The following SIK2 variants were observed in gnomAD, a reference collection of about 807,000 sequenced individuals.
The protein encoded by SIK2 is serine/threonine-protein kinase SIK2.
A neutral mutation model predicts 103.2 loss-of-function variants in SIK2; 29 were observed. The ratio of observed to expected loss-of-function variants is 0.28; its 90% CI spans 0.21 to 0.38. The LOEUF is 0.38. Among genes scored for constraint, SIK2 ranks in the 10% least tolerant of loss-of-function variants. The pLI, the probability that SIK2 is intolerant of heterozygous loss-of-function variation, is 1.00. For missense variants in SIK2, 879 were observed against 1,171.0 expected (o/e 0.75, Z 3.64); for synonymous variants, 412 against 446.1 (o/e 0.92, Z 0.96).
At chr11:111,645,460 A>G (rs978745021) in intron 3 of SIK2, among the ~76,000 whole-genome samples, 2 of 152,238 alleles carry the variant, frequency 1.3e-5, no homozygotes, top group African/African-American at 4.8e-5. Context: ...AATACCTTCT[A>G]TGTATGTAAA....
intron 8 of SIK2, among the ~76,000 whole-genome samples, chr11:111,708,174 G>A (rs1053416336): frequency 4.6e-5 from 7 of 152,274 alleles, no homozygotes; most frequent in Admixed American, 3.9e-4. Flanking sequence ...TTGAACCCAG[G>A]AGTTTGAGAC....
At chr11:111,617,760 C>T (rs1370461987) in intron 2 of SIK2, among the ~76,000 whole-genome samples, 1 of 151,664 alleles carries the variant, frequency 6.6e-6, no homozygotes, top group African/African-American at 2.4e-5. Context: ...TTATAATGTA[C>T]ATAATATTTA....
At chr11:111,653,215 A>G (rs986451243) in intron 3 of SIK2, among the ~76,000 whole-genome samples, 88 of 152,198 alleles carry the variant, frequency 5.8e-4, no homozygotes, top group African/African-American at 2.1e-3. Flanking sequence ...AGTAAAGGTA[A>G]TGGGAAAAGA....
rs117206295 is a variant in SIK2, at chr11:111,675,314, G to A, written c.317-12687G>A. ...ATATGCACCACCTATTCTACTGGGAGGCATTACAAAGTCACGTGACAAAGG... is the reference window on the plus strand; with the variant it reads ...ATATGCACCACCTATTCTACTGGGAAGCATTACAAAGTCACGTGACAAAGG... On this transcript the variant is annotated intron_variant, in intron 3 of 14. Transcript: ENST00000304987. Among the ~76,000 whole-genome samples, 998 of 152,284 alleles carry A rather than the reference G, an allele frequency of 6.6e-3. 8 individuals are homozygous for A. The highest frequency in any genetic ancestry group is 0.054 in the Middle Eastern group (16 of 294).
chr11:111,668,176 A>AGGGG (rs1555030379), intron 3 of SIK2, among the ~76,000 whole-genome samples: 12 of 45,192 alleles, frequency 2.7e-4, no homozygotes, highest in South Asian at 2.7e-3. Flanking sequence ...AACTAAAGTA[A>AGGGG]GGAGTGTGTG....
chr11:111,685,803 T>C (rs1373502739), intron 3 of SIK2, among the ~76,000 whole-genome samples: 1 of 152,136 alleles, frequency 6.6e-6, no homozygotes. Flanking sequence ...TGAGCTATAA[T>C]TGCACACTGT....
intron 3 of SIK2, among the ~76,000 whole-genome samples, chr11:111,653,915 G>A (rs1426841466): frequency 6.6e-6 from 1 of 152,076 alleles, no homozygotes; most frequent in Non-Finnish European, 1.5e-5. Flanking sequence ...CACCTCTTTT[G>A]TTTTACTTTG....
At chr11:111,685,155 ATTTTTCCCAGG>A (rs1487027513) in intron 3 of SIK2, among the ~76,000 whole-genome samples, 1 of 152,184 alleles carries the variant, frequency 6.6e-6, no homozygotes, top group African/African-American at 2.4e-5. Context: ...GTGGAGGACA[ATTTTTCCCAGG>A]TTGGGGAGGA....
intron 1 of SIK2, among the ~76,000 whole-genome samples, chr11:111,603,606 CCCTT>C (rs1941612609): frequency 6.6e-6 from 1 of 152,150 alleles, no homozygotes; most frequent in Admixed American, 6.5e-5. Context: ...TAACCCGCCC[CCCTT>C]CCTTCCACTG....
intron 3 of SIK2, among the ~76,000 whole-genome samples, chr11:111,662,185 AC>A (rs1194490723): frequency 6.6e-6 from 1 of 152,222 alleles, no homozygotes; most frequent in African/African-American, 2.4e-5. Context: ...GAGATTGGAA[AC>A]GTAAGATCCT....
chr11:111,707,345 A>C (rs1226449667), intron 8 of SIK2, among the ~76,000 whole-genome samples: 1 of 152,208 alleles, frequency 6.6e-6, no homozygotes, highest in Non-Finnish European at 1.5e-5. Context: ...ACTATGAGCA[A>C]ATTCCCCGGC....
chr11:111,654,329 A>T (rs1272443601), intron 3 of SIK2, among the ~76,000 whole-genome samples: 2 of 152,212 alleles, frequency 1.3e-5, no homozygotes, highest in Admixed American at 1.3e-4. Context: ...TTGCCTGTTG[A>T]AATCTCTGAT....
chr11:111,634,951 A>G (rs1942087511), intron 3 of SIK2, among the ~76,000 whole-genome samples: 2 of 152,252 alleles, frequency 1.3e-5, no homozygotes, highest in Non-Finnish European at 2.9e-5. Flanking sequence ...ATGCATGCAG[A>G]TGAAATTAGA....
intron 1 of SIK2, among the ~76,000 whole-genome samples, chr11:111,611,085 A>AGTGT (rs1565305622): frequency 1.0e-4 from 14 of 134,732 alleles, no homozygotes; most frequent in Admixed American, 2.1e-4. Flanking sequence ...CTCTCGACCA[A>AGTGT]ATGTGTGTGT....
intron 2 of SIK2, 102 bp downstream of exon 2, chr11:111,616,461 A>G: frequency 1.4e-6 from 1 of 715,386 alleles, no homozygotes; most frequent in South Asian, 1.8e-5. Context: ...TCAATGAAAG[A>G]AAATAAATGT....
intron 3 of SIK2, among the ~76,000 whole-genome samples, chr11:111,664,386 C>T (rs1591606466): frequency 1.3e-5 from 2 of 152,020 alleles, no homozygotes; most frequent in African/African-American, 2.4e-5. Context: ...GAGGCCGAGG[C>T]GGGCGGACCA....
At chr11:111,685,011 A>AT (rs1306388764) in intron 3 of SIK2, among the ~76,000 whole-genome samples, 1 of 152,256 alleles carries the variant, frequency 6.6e-6, no homozygotes, top group Non-Finnish European at 1.5e-5. Context: ...AGTGCTAAGC[A>AT]TTGCAGAGTA....
chr11:111,626,079 C>A (rs1941956801), intron 3 of SIK2, among the ~76,000 whole-genome samples: 2 of 152,236 alleles, frequency 1.3e-5, no homozygotes, highest in South Asian at 4.1e-4. Flanking sequence ...AAAGTAAAAT[C>A]TCTAGGGTAA....
chr11:111,623,515 C>A (rs1319526986), intron 3 of SIK2, among the ~76,000 whole-genome samples: 1 of 152,208 alleles, frequency 6.6e-6, no homozygotes, highest in Non-Finnish European at 1.5e-5. Flanking sequence ...TTCTGGGATG[C>A]AGTTAAGCCT....
Sources: allele counts gnomAD v4.1 joint callset (sites outside exome capture counted in the v4.1 genomes callset), GRCh38; gene constraint gnomAD v4.1.1; transcripts MANE v1.5; gene names NCBI Gene and HGNC (gene_info 2026-07-23, HGNC 2026-07-21).